The following RMDN3 variants were observed in gnomAD, a reference collection of about 807,000 sequenced individuals.
RMDN3 encodes the protein regulator of microtubule dynamics protein 3.
RMDN3 carries 41 observed loss-of-function variants against 61.8 expected under a neutral mutation model. That is an observed-to-expected ratio of 0.66 (90% CI 0.52 to 0.86). The LOEUF (loss-of-function observed/expected upper bound fraction) is 0.86. RMDN3 is among the 40% of genes least tolerant of loss of function. RMDN3 has a pLI of 0.00. For synonymous variants in RMDN3, 247 were observed against 232.0 expected, an observed-to-expected ratio of 1.06 and a Z score of -0.59; for missense variants, 557 against 585.3, an observed-to-expected ratio of 0.95 and a Z score of 0.50.
At chr15:40,752,240 C>T in intron 2 of RMDN3, 62 bp from the exon 3 acceptor site, 2 of 1,515,322 alleles carry the variant, frequency 1.3e-6, no homozygotes, top group Non-Finnish European at 1.8e-6. Flanking sequence ...AGAGATCTCA[C>T]ACCCAGAATT....
chr15:40,754,221 A>G (rs1204167933), intron 2 of RMDN3, among the ~76,000 whole-genome samples: 1 of 146,446 alleles, frequency 6.8e-6, no homozygotes, highest in African/African-American at 2.6e-5. Flanking sequence ...GCCTCCGCCT[A>G]CCAGGTTCAA....
chr15:40,743,972 G>C (rs1413185288), intron 6 of RMDN3, 75 bp downstream of exon 6: 1 of 1,288,394 alleles, frequency 7.8e-7, no homozygotes, highest in African/African-American at 1.5e-5. Flanking sequence ...TGGTTCCCCG[G>C]GTCCCCAGGC....
chr15:40,750,857 T>A (rs1897789872), intron 4 of RMDN3, among the ~76,000 whole-genome samples: 1 of 152,330 alleles, frequency 6.6e-6, no homozygotes, highest in Non-Finnish European at 1.5e-5. Context: ...AGTTTCAAAG[T>A]GGTGCTAGTG....
chr15:40,744,510 G>C (rs75364312), intron 5 of RMDN3, among the ~76,000 whole-genome samples: 1 of 149,836 alleles, frequency 6.7e-6, no homozygotes, highest in Admixed American at 6.6e-5. Flanking sequence ...TGGGGGGGGG[G>C]CATTTATACC....
chr15:40,738,689 G>A, intron 7 of RMDN3, 113 bp from the exon 8 acceptor site: 1 of 994,786 alleles, frequency 1.0e-6, no homozygotes, highest in East Asian at 2.5e-5. Flanking sequence ...CCCTCAACTA[G>A]AGCTGAAAAT....
In RMDN3 at chr15:40,753,120, T is replaced by C. The variant is rs184591156; in HGVS notation, c.188-942A>G. On this transcript the variant is annotated intron_variant, in intron 2 of 12. Transcript: ENST00000338376. ...AAGATTATAAAATGCTGACAATCATTTGCAATCTAAGCTGATAGCTCTTTG... is the reference window on the plus strand; with the variant it reads ...AAGATTATAAAATGCTGACAATCATCTGCAATCTAAGCTGATAGCTCTTTG... Among the ~76,000 whole-genome samples, 18 of 152,272 alleles carry C rather than the reference T, an allele frequency of 1.2e-4. No individual in the cohort carries two copies. In the South Asian group the frequency reaches 2.5e-3, roughly 21 times the overall value.
At chr15:40,741,342 T>TAAA (rs535413617) in intron 6 of RMDN3, among the ~76,000 whole-genome samples, 1 of 147,952 alleles carries the variant, frequency 6.8e-6, no homozygotes, top group Admixed American at 6.8e-5. Flanking sequence ...CCCATCTCTT[T>TAAA]AAAAAAAAAA....
chr15:40,737,160 C>T lies in RMDN3; in HGVS notation c.1323G>A (p.Met441Ile), dbSNP rs1362072598. ...LGKNSEARWWMKLALELPDVT... is the reference protein window; with the variant it reads ...LGKNSEARWWIKLALELPDVT... ...CATCTGGCAGCTCCAGGGCCAACTT[C>T]ATCCACCATCTAGCTTCAGAGTTTT... The change falls in exon 12 of 13, where the codon ATG (methionine) becomes ATA (isoleucine). Residue 441 changes from methionine (M) to isoleucine (I), a missense_variant. Coordinates refer to ENST00000338376, the MANE Select transcript of RMDN3 (RefSeq NM_018145.3). The T allele has an allele frequency of 1.2e-6, 2 of 1,614,114 alleles. No homozygotes were observed. The highest frequency in any genetic ancestry group is 2.7e-5 in the African/African-American group (2 of 74,942).
In RMDN3 at chr15:40,737,988, G is replaced by T; in HGVS notation, c.1102C>A (p.Leu368Ile). ...LQPENPMAHF[L>I]LGRWCYQVSH... ...ACCTGATAGCACCACCTGCCAAGAAGAAAGTGAGCCATGGGGTTTTCTGGC... is the reference window on the plus strand; with the variant it reads ...ACCTGATAGCACCACCTGCCAAGAATAAAGTGAGCCATGGGGTTTTCTGGC... The change falls in exon 9 of 13, where the codon CTT becomes ATT. Residue 368 changes from leucine to isoleucine, a missense_variant. Leu to Ile is a conservative substitution (Grantham distance 5). Transcript: ENST00000338376. 6.2e-7 allele frequency: 1 copy of T among 1,614,186 alleles called. No homozygotes were observed. Among genetic ancestry groups the T allele is most frequent in the Admixed American group, 1.7e-5 (1 of 60,022 alleles).
At chr15:40,737,901 G>A in intron 9 of RMDN3, 64 bp downstream of exon 9, 2 of 1,570,126 alleles carry the variant, frequency 1.3e-6, no homozygotes, top group Non-Finnish European at 8.8e-7. Flanking sequence ...TGTTCTTCCT[G>A]GCAAGGAAAT....
At position 40,737,661 on chromosome 15, in the gene RMDN3, G is replaced by T. The variant is rs771439397; in HGVS notation, c.1191C>A (p.Ala397=). ...ATALLESPLS[A]TVEDALQSFL... is the part of the protein sequence containing the mutation. Reference sequence around the variant, plus strand: ...AGCTCTGGAGGGCATCTTCCACAGTGGCACTGAGAGGGCTTTCAAGCAAGG... The same window carrying T: ...AGCTCTGGAGGGCATCTTCCACAGTTGCACTGAGAGGGCTTTCAAGCAAGG... The change falls in exon 10 of 13, where the codon GCC becomes GCA. Residue 397 remains alanine, a synonymous_variant. Coordinates refer to ENST00000338376, the MANE Select transcript of RMDN3 (RefSeq NM_018145.3). 2.5e-6 allele frequency: 4 copies of T among 1,614,122 alleles called. No individual in the cohort carries two copies. The South Asian group carries it at 4.4e-5, about 18-fold the overall frequency.
At position 40,754,794 on chromosome 15, in the gene RMDN3, C is replaced by A. The variant is rs1485568808; in HGVS notation, c.-7-4G>T. 2.0e-6 allele frequency: 3 copies of A among 1,469,020 alleles called. No individual in the cohort carries two copies. Among genetic ancestry groups the A allele is most frequent in the African/African-American group, 1.5e-5 (1 of 67,438 alleles). 91.0% of individuals were successfully genotyped at this position (1,469,020 alleles called of 1,614,324 possible). A position where few individuals can be genotyped will look rare whatever the true frequency, so the allele number is the denominator to read the frequency against. Reference sequence around the variant, plus strand: ...TCCCAGTCTAGACATGCTGCACCTGCGGCCAGCAGAAGTCACCGGGAGCAG... The same window carrying A: ...TCCCAGTCTAGACATGCTGCACCTGAGGCCAGCAGAAGTCACCGGGAGCAG... On this transcript the variant is annotated splice_polypyrimidine_tract_variant and splice_region_variant and intron_variant, in intron 1 of 12. Transcript: ENST00000338376.
chr15:40,742,197 A>C, intron 6 of RMDN3, among the ~76,000 whole-genome samples: 1 of 131,478 alleles, frequency 7.6e-6, no homozygotes, highest in Non-Finnish European at 1.6e-5. Context: ...TTGTAGAGAC[A>C]AGGTCTCACT....
intron 11 of RMDN3, 37 bp downstream of exon 11, chr15:40,737,251 T>A: frequency 5.6e-6 from 9 of 1,612,400 alleles, no homozygotes; most frequent in Non-Finnish European, 7.6e-6. Context: ...CTTTCAGGAG[T>A]TCCCAGATCT....
At chr15:40,751,402 C>G in intron 4 of RMDN3, 24 bp downstream of exon 4, 1 of 1,609,090 alleles carries the variant, frequency 6.2e-7, no homozygotes, top group Non-Finnish European at 8.5e-7. Context: ...GTAGCCATAA[C>G]TGCCTCCAAG....
intron 4 of RMDN3, among the ~76,000 whole-genome samples, chr15:40,746,038 G>C (rs1259702583): frequency 6.6e-6 from 1 of 152,234 alleles, no homozygotes; most frequent in African/African-American, 2.4e-5. Context: ...CCCCTGAAAA[G>C]GTGTTTGGGG....
chr15:40,738,048 G>A lies in RMDN3; in HGVS notation c.1048-6C>T. The A allele has an allele frequency of 6.2e-7, 1 of 1,613,864 alleles. No homozygotes were observed. Among genetic ancestry groups the A allele is most frequent in the Middle Eastern group, 1.6e-4 (1 of 6,062 alleles). On this transcript the variant is annotated splice_polypyrimidine_tract_variant and splice_region_variant and intron_variant, in intron 8 of 12. Coordinates refer to ENST00000338376, the MANE Select transcript of RMDN3 (RefSeq NM_018145.3). ...ATGGCTTTGTCCACATGCTCCTAAGGGGAAAATGTAAATATAAACTAACAT... is the reference window on the plus strand; with the variant it reads ...ATGGCTTTGTCCACATGCTCCTAAGAGGAAAATGTAAATATAAACTAACAT...
intron 4 of RMDN3, among the ~76,000 whole-genome samples, chr15:40,745,904 A>T (rs1351852738): frequency 1.3e-5 from 2 of 152,228 alleles, no homozygotes; most frequent in Non-Finnish European, 2.9e-5. Flanking sequence ...GGCCCAAGTC[A>T]ACAACCAAAC....
intron 4 of RMDN3, among the ~76,000 whole-genome samples, chr15:40,750,105 T>C (rs912953787): frequency 1.6e-4 from 24 of 152,098 alleles, no homozygotes; most frequent in Admixed American, 1.0e-3. Flanking sequence ...TCTCACTCTG[T>C]CACCCAGGCT....
Sources: allele counts gnomAD v4.1 joint callset (sites outside exome capture counted in the v4.1 genomes callset), GRCh38; gene constraint gnomAD v4.1.1; transcripts MANE v1.5; gene names NCBI Gene and HGNC (gene_info 2026-07-23, HGNC 2026-07-21).